Variants in ANAPC16 observed in about 807,000 individuals in gnomAD.
ANAPC16 encodes anaphase promoting complex subunit 16, also known as anaphase-promoting complex subunit 16.
A neutral mutation model predicts 13.1 loss-of-function variants in ANAPC16; 6 were observed. The observed-to-expected ratio is 0.46, with a 90% CI of 0.25 to 0.90. ANAPC16 has a LOEUF of 0.90. ANAPC16 is among the 40% of genes least tolerant of loss of function. The pLI is 0.18. For missense variants in ANAPC16, 113 were observed against 131.1 expected, an observed-to-expected ratio of 0.86 and a Z score of 0.67; for synonymous variants, 55 against 51.3, an observed-to-expected ratio of 1.07 and a Z score of -0.31.
intron 1 of ANAPC16, among the ~76,000 whole-genome samples, chr10:72,219,325 T>C (rs746291160): frequency 6.6e-6 from 1 of 152,214 alleles, no homozygotes; most frequent in East Asian, 1.9e-4. Context: ...TGACCCAGTG[T>C]AGTCCGGAAG....
In ANAPC16 at chr10:72,218,166, ATATATATAT is replaced by A. The variant is rs1336959640; in HGVS notation, c.-28+2029_-28+2037del. The stretch of plus-strand genomic sequence containing the variant: ...GTCTCAAAAAAAAAAAAAAAAAAAA[ATATATATAT>A]ATATATATATATATATATATATATA... On this transcript the variant is annotated intron_variant, in intron 1 of 3. Transcript: ENST00000299381. Among the ~76,000 whole-genome samples, 32 of 20,330 alleles carry A rather than the reference ATATATATAT, an allele frequency of 1.6e-3. 1 individual carries two copies. Among genetic ancestry groups the A allele is most frequent in the African/African-American group, 6.5e-3 (30 of 4,598 alleles). The allele number at this position is 20,330 out of a possible 152,430, so 13.3% of individuals were successfully genotyped here. A position where few individuals can be genotyped will look rare whatever the true frequency, so the allele number is the denominator to read the frequency against.
chr10:72,225,021 T>C (rs1403964378), intron 2 of ANAPC16, among the ~76,000 whole-genome samples: 5 of 152,148 alleles, frequency 3.3e-5, no homozygotes, highest in African/African-American at 1.2e-4. Flanking sequence ...CTGTAGCTCA[T>C]GCCTGTAATT....
At position 72,218,164 on chromosome 10, in the gene ANAPC16, AAATATATATATATATATATATAT is replaced by A. The variant is rs1192599640; in HGVS notation, c.-28+2028_-28+2050del. On this transcript the variant is annotated intron_variant, in intron 1 of 3. Transcript: ENST00000299381. ...CTGTCTCAAAAAAAAAAAAAAAAAA[AAATATATATATATATATATATAT>A]ATATATATATATATATATATATATA... 1.9e-3 allele frequency among the ~76,000 whole-genome samples: 43 copies of A among 22,076 alleles called. 2 individuals carry two copies. The highest frequency in any genetic ancestry group is 9.7e-3 in the Admixed American group (13 of 1,342). 14.5% of individuals were successfully genotyped at this position (22,076 alleles called of 152,430 possible). A position where few individuals can be genotyped will look rare whatever the true frequency, so the allele number is the denominator to read the frequency against.
chr10:72,218,014 C>T (rs1451050760), intron 1 of ANAPC16, among the ~76,000 whole-genome samples: 1 of 151,068 alleles, frequency 6.6e-6, no homozygotes, highest in East Asian at 1.9e-4. Context: ...GAAGGGTACT[C>T]AACCTGTTTC....
chr10:72,234,895 A>C lies in ANAPC16; in HGVS notation c.*1779A>C, dbSNP rs1860426910. On this transcript the variant is annotated 3_prime_UTR_variant, in exon 4 of 4. Transcript: ENST00000299381. Reference sequence around the variant, plus strand: ...ACTGGGCACAGTGGCTCCCACCTTTAATCCCAGCACCTGGGGAGGCTGAGG... The same window carrying C: ...ACTGGGCACAGTGGCTCCCACCTTTCATCCCAGCACCTGGGGAGGCTGAGG... 1 of 152,214 alleles carries C rather than the reference A, an allele frequency of 6.6e-6. No individual in the cohort carries two copies. Among genetic ancestry groups the C allele is most frequent in the Admixed American group, 6.5e-5 (1 of 15,270 alleles). 9.4% of individuals were successfully genotyped at this position (152,214 alleles called of 1,614,324 possible). A position where few individuals can be genotyped will look rare whatever the true frequency, so the allele number is the denominator to read the frequency against.
intron 1 of ANAPC16, among the ~76,000 whole-genome samples, chr10:72,219,165 T>C (rs188108179): frequency 1.4e-4 from 21 of 152,350 alleles, no homozygotes; most frequent in African/African-American, 4.8e-4. Flanking sequence ...TCTGAACTGA[T>C]GGGAAATAAA....
chr10:72,218,199 T>A (rs866609611), intron 1 of ANAPC16, among the ~76,000 whole-genome samples: 23 of 111,126 alleles, frequency 2.1e-4, no homozygotes, highest in African/African-American at 7.1e-4. Context: ...TATATATATA[T>A]ATATATATAT....
At chr10:72,223,724 T>C in intron 1 of ANAPC16, 164 bp from the exon 2 acceptor site, 1 of 477,536 alleles carries the variant, frequency 2.1e-6, no homozygotes, top group South Asian at 5.1e-5. Context: ...CTGACTGATA[T>C]TTTGGCCTGA....
At chr10:72,229,273 T>A (rs1022855045) in intron 2 of ANAPC16, among the ~76,000 whole-genome samples, 2 of 150,306 alleles carry the variant, frequency 1.3e-5, no homozygotes, top group African/African-American at 4.9e-5. Flanking sequence ...ATTGGAAGGA[T>A]GCCCTCTTGG....
At chr10:72,220,859 A>T (rs1319131603) in intron 1 of ANAPC16, 2 of 151,860 alleles carry the variant, frequency 1.3e-5, no homozygotes, top group African/African-American at 4.8e-5. Flanking sequence ...AGAAAAAAAA[A>T]AAAAAACTCA....
chr10:72,231,502 C>G (rs1860302253), intron 3 of ANAPC16, among the ~76,000 whole-genome samples: 1 of 152,206 alleles, frequency 6.6e-6, no homozygotes, highest in South Asian at 2.1e-4. Context: ...CAGAGTGAGA[C>G]CCTGTCTCTG....
At chr10:72,222,326 G>T (rs1436548204) in intron 1 of ANAPC16, among the ~76,000 whole-genome samples, 1 of 151,970 alleles carries the variant, frequency 6.6e-6, no homozygotes, top group East Asian at 2.0e-4. Context: ...GTTGAGGCAG[G>T]AGAATCGCTT....
chr10:72,228,697 C>G (rs891580789), intron 2 of ANAPC16, among the ~76,000 whole-genome samples: 2 of 152,142 alleles, frequency 1.3e-5, no homozygotes, highest in Non-Finnish European at 2.9e-5. Flanking sequence ...GGCTAAGAAG[C>G]AATTGGACTT....
At chr10:72,219,175 A>G (rs562644586) in intron 1 of ANAPC16, among the ~76,000 whole-genome samples, 21 of 152,352 alleles carry the variant, frequency 1.4e-4, no homozygotes, top group Admixed American at 5.9e-4. Flanking sequence ...TGGGAAATAA[A>G]GACTGAGCTG....
intron 2 of ANAPC16, among the ~76,000 whole-genome samples, chr10:72,229,393 A>G (rs1189942414): frequency 1.3e-5 from 2 of 151,780 alleles, no homozygotes; most frequent in Non-Finnish European, 1.5e-5. Flanking sequence ...GCATGAGGCC[A>G]GAATGTGTTA....
At chr10:72,216,692 T>C (rs1022664070) in intron 1 of ANAPC16, 1 of 379,030 alleles carries the variant, frequency 2.6e-6, no homozygotes, top group Non-Finnish European at 5.2e-6. Flanking sequence ...TTCATAAATA[T>C]ATGAATGCGA....
intron 2 of ANAPC16, among the ~76,000 whole-genome samples, chr10:72,227,439 C>T (rs985007541): frequency 6.6e-6 from 1 of 152,074 alleles, no homozygotes; most frequent in African/African-American, 2.4e-5. Flanking sequence ...GTGTTTCTTA[C>T]ATTTCAAGTT....
intron 1 of ANAPC16, among the ~76,000 whole-genome samples, chr10:72,218,160 AAAAAAATATATATAT>A (rs1859681170): frequency 1.8e-4 from 7 of 39,146 alleles, no homozygotes; most frequent in South Asian, 2.1e-3. Flanking sequence ...AAAAAAAAAA[AAAAAAATATATATAT>A]ATATATATAT....
At chr10:72,221,999 A>G (rs1471480573) in intron 1 of ANAPC16, among the ~76,000 whole-genome samples, 2 of 145,746 alleles carry the variant, frequency 1.4e-5, no homozygotes, top group African/African-American at 2.5e-5. Context: ...AAGTGCTGGG[A>G]TTACAGGTGT....
Sources: gnomAD v4.1 joint callset for allele counts (sites outside exome capture counted in the v4.1 genomes callset) on GRCh38, gnomAD v4.1.1 for gene constraint, MANE v1.5 for transcripts, NCBI Gene and HGNC (gene_info 2026-07-23, HGNC 2026-07-21) for gene names.